The following SCG5 variants were observed in gnomAD, a reference collection of about 807,000 sequenced individuals.
SCG5 encodes the protein secretogranin V.
A neutral mutation model predicts 25.7 loss-of-function variants in SCG5; 18 were observed. The observed-to-expected ratio is 0.70, with a 90% confidence interval of 0.48 to 1.04. SCG5 has a LOEUF of 1.04. Ranked by LOEUF, SCG5 falls within the 50% of genes least tolerant of loss-of-function variation. SCG5 has a pLI of 0.00. For missense variants in SCG5, 206 were observed against 259.8 expected (o/e 0.79, Z 1.42); for synonymous variants, 101 against 91.7 (o/e 1.10, Z -0.58).
chr15:32,657,705 C>T (rs374722130), intron 2 of SCG5, among the ~76,000 whole-genome samples: 3 of 152,272 alleles, frequency 2.0e-5, no homozygotes, highest in East Asian at 1.9e-4. Flanking sequence ...AGCCCATGAT[C>T]GGTACACTTC....
At chr15:32,679,001 C>T (rs1409924243) in intron 2 of SCG5, among the ~76,000 whole-genome samples, 2 of 152,146 alleles carry the variant, frequency 1.3e-5, no homozygotes, top group East Asian at 3.9e-4. Flanking sequence ...GTGACCTTAT[C>T]TTTTTTCATA....
At chr15:32,653,314 G>A (rs561172822) in intron 2 of SCG5, among the ~76,000 whole-genome samples, 1 of 152,178 alleles carries the variant, frequency 6.6e-6, no homozygotes, top group Non-Finnish European at 1.5e-5. Flanking sequence ...GTCAAAGAGG[G>A]ACACAGAAAA....
In SCG5 at chr15:32,679,960, G is replaced by A. The variant is rs754126368; in HGVS notation, c.376+45G>A. The A allele has an allele frequency of 3.3e-6, 5 of 1,537,470 alleles. No homozygotes were observed. In the Admixed American group the frequency reaches 8.1e-5, roughly 25 times the overall value. On this transcript the variant is annotated intron_variant, in intron 3 of 5. Transcript: ENST00000300175. The stretch of plus-strand genomic sequence containing the variant: ...GTTCCCATGAAAAGTTGGGGCTTTG[G>A]AAGGAAATCAGAAATTCTAACATCA...
At chr15:32,680,002 GA>G in intron 3 of SCG5, 87 bp downstream of exon 3, 1 of 1,252,954 alleles carries the variant, frequency 8.0e-7, no homozygotes, top group Non-Finnish European at 1.1e-6. Flanking sequence ...AATATTCCCA[GA>G]AATTGTTATT....
At chr15:32,683,315 C>A (rs2054650455) in intron 3 of SCG5, among the ~76,000 whole-genome samples, 2 of 152,086 alleles carry the variant, frequency 1.3e-5, no homozygotes, top group South Asian at 4.1e-4. Flanking sequence ...CTCCTTCTTC[C>A]CCCTAACCCT....
rs969130309 is a variant in SCG5 at position 32,691,570 on chromosome 15, A to C, written c.490-140A>C. On this transcript the variant is annotated intron_variant, in intron 4 of 5. Transcript: ENST00000300175. Reference sequence around the variant, plus strand: ...TTGTGGTCTATCTTTCTGACACGACATTCCTTTCATCTAGTTTTGTTTCCA... The same window carrying C: ...TTGTGGTCTATCTTTCTGACACGACCTTCCTTTCATCTAGTTTTGTTTCCA... 4.4e-5 allele frequency: 31 copies of C among 704,512 alleles called. No homozygotes were observed. In the African/African-American group the frequency reaches 5.4e-4, roughly 12 times the overall value. The allele number at this position is 704,512 out of a possible 1,614,324, so 43.6% of individuals were successfully genotyped here. A position where few individuals can be genotyped will look rare whatever the true frequency, so the allele number is the denominator to read the frequency against.
intron 4 of SCG5, among the ~76,000 whole-genome samples, chr15:32,686,282 C>T (rs2054707318): frequency 6.6e-6 from 1 of 151,950 alleles, no homozygotes; most frequent in Admixed American, 6.6e-5. Context: ...TAATAAAAGC[C>T]TTCTATAAAA....
chr15:32,663,298 C>T lies in SCG5; in HGVS notation c.227-16468C>T, dbSNP rs79343456. Among the ~76,000 whole-genome samples, 2,631 of 151,866 alleles carry T rather than the reference C, an allele frequency of 0.017. 133 individuals are homozygous for T. The East Asian group carries it at 0.19, about 11-fold the overall frequency. The stretch of plus-strand genomic sequence containing the variant: ...CTCCATTCCCCTTAGCCATTCCCCC[C>T]ATCTCTGCCTCCTTACTCCTTCCCT... On this transcript the variant is annotated intron_variant, in intron 2 of 5. Coordinates refer to ENST00000300175, the MANE Select transcript of SCG5 (RefSeq NM_001144757.3).
At position 32,658,073 on chromosome 15, in the gene SCG5, AG is replaced by A. The variant is rs375259962; in HGVS notation, c.226+14257del. 3.0e-4 allele frequency among the ~76,000 whole-genome samples: 45 copies of A among 152,332 alleles called. 1 individual carries two copies. The South Asian group carries it at 8.5e-3, about 29-fold the overall frequency. On this transcript the variant is annotated intron_variant, in intron 2 of 5. Transcript: ENST00000300175. ...AGAATAACCAAACACAACAAAGATT[AG>A]GAGTAACGAAGTGTTTTCATGCAGT...
chr15:32,645,698 T>C (rs59894261), intron 2 of SCG5, among the ~76,000 whole-genome samples: 19,785 of 152,084 alleles, frequency 0.13, 1,458 homozygotes, highest in Middle Eastern at 0.18. Flanking sequence ...ACAACTATTA[T>C]GTACCCACAA....
At chr15:32,689,059 A>G (rs1416744278) in intron 4 of SCG5, among the ~76,000 whole-genome samples, 1 of 151,772 alleles carries the variant, frequency 6.6e-6, no homozygotes, top group Admixed American at 6.5e-5. Context: ...AACAAATATA[A>G]CATCCATTGA....
chr15:32,645,774 ACT>A (rs1322099069), intron 2 of SCG5, among the ~76,000 whole-genome samples: 1 of 151,362 alleles, frequency 6.6e-6, no homozygotes, highest in Admixed American at 6.6e-5. Context: ...AGAATTAAAA[ACT>A]CTGTTTCCCT....
intron 2 of SCG5, among the ~76,000 whole-genome samples, chr15:32,654,026 C>T (rs989158318): frequency 9.9e-5 from 15 of 152,170 alleles, no homozygotes; most frequent in Admixed American, 8.5e-4. Context: ...TCTTCATGCA[C>T]AGTGTCATGC....
chr15:32,647,520 C>T (rs2053962435), intron 2 of SCG5, among the ~76,000 whole-genome samples: 1 of 152,124 alleles, frequency 6.6e-6, no homozygotes, highest in South Asian at 2.1e-4. Context: ...AAAAACATAT[C>T]TTCTTTGATT....
At chr15:32,666,914 G>A (rs1033491270) in intron 2 of SCG5, among the ~76,000 whole-genome samples, 6 of 152,124 alleles carry the variant, frequency 3.9e-5, no homozygotes, top group Non-Finnish European at 8.8e-5. Context: ...TGCTCTGACC[G>A]ATTTGGTATT....
intron 2 of SCG5, among the ~76,000 whole-genome samples, chr15:32,644,517 T>G (rs1268127145): frequency 6.6e-6 from 1 of 152,244 alleles, no homozygotes; most frequent in Non-Finnish European, 1.5e-5. Flanking sequence ...GTCATAATAC[T>G]TGTATTAGAA....
intron 2 of SCG5, among the ~76,000 whole-genome samples, chr15:32,659,371 T>A (rs868713587): frequency 2.0e-5 from 3 of 152,152 alleles, no homozygotes; most frequent in African/African-American, 7.2e-5. Flanking sequence ...GACACGGACT[T>A]CTCATGGCAA....
Position 32,691,180 on chromosome 15 carries a change from C to G in SCG5, c.490-530C>G, listed in dbSNP as rs183668571. Among the ~76,000 whole-genome samples the G allele has an allele frequency of 1.6e-3, 248 of 152,272 alleles. 1 individual carries two copies. Among genetic ancestry groups the G allele is most frequent in the Middle Eastern group, 0.014 (4 of 294 alleles). ...TTTTTGGCAGTTTTTAAAAGGTTCA[C>G]TCTATTAAAAATGTTATAGACCAAA... is the stretch of plus-strand genomic sequence containing the variant. On this transcript the variant is annotated intron_variant, in intron 4 of 5. Coordinates refer to ENST00000300175, the MANE Select transcript of SCG5 (RefSeq NM_001144757.3).
intron 2 of SCG5, among the ~76,000 whole-genome samples, chr15:32,646,795 T>C (rs1454561646): frequency 1.3e-5 from 2 of 152,184 alleles, no homozygotes; most frequent in African/African-American, 4.8e-5. Context: ...TTTCACCTCA[T>C]CCATTTATTT....
Sources: allele counts gnomAD v4.1 joint callset (sites outside exome capture counted in the v4.1 genomes callset), GRCh38; gene constraint gnomAD v4.1.1; transcripts MANE v1.5; gene names NCBI Gene and HGNC (gene_info 2026-07-23, HGNC 2026-07-21).